Variants in NELL1 observed in about 807,000 individuals in gnomAD.
NELL1 encodes neural EGFL like 1, also known as protein kinase C-binding protein NELL1.
A neutral mutation model predicts 107.4 loss-of-function variants in NELL1; 76 were observed. That is an observed-to-expected ratio of 0.71 (90% confidence interval 0.59 to 0.86). The LOEUF is 0.86. Among genes scored for constraint, NELL1 ranks in the 40% least tolerant of loss-of-function variants. NELL1 has a pLI of 0.00. For synonymous variants in NELL1, 353 were observed against 341.2 expected (o/e 1.03, Z -0.38); for missense variants, 1,024 against 1,005.5 (o/e 1.02, Z -0.25).
intron 2 of NELL1, among the ~76,000 whole-genome samples, chr11:20,691,377 T>A (rs1412538963): frequency 1.3e-5 from 2 of 150,882 alleles, no homozygotes; most frequent in Non-Finnish European, 2.9e-5. Context: ...TCAAACAGAA[T>A]GCTTCCAGTT....
At chr11:20,969,024 G>GA (rs1851441476) in intron 12 of NELL1, among the ~76,000 whole-genome samples, 4 of 151,854 alleles carry the variant, frequency 2.6e-5, no homozygotes, top group African/African-American at 9.7e-5. Flanking sequence ...GTTATTTAAT[G>GA]AAAAAAATCT....
intron 14 of NELL1, among the ~76,000 whole-genome samples, chr11:21,368,619 A>G (rs949173964): frequency 1.3e-5 from 2 of 152,028 alleles, no homozygotes; most frequent in African/African-American, 4.8e-5. Flanking sequence ...TACCTATCAG[A>G]TACCTCCATG....
chr11:21,252,483 C>T lies in NELL1; in HGVS notation c.1549+23029C>T, dbSNP rs1334387093. Among the ~76,000 whole-genome samples, 8 of 152,204 alleles carry T rather than the reference C, an allele frequency of 5.3e-5. No homozygotes were observed. The East Asian group carries it at 1.2e-3, about 22-fold the overall frequency. ...GACCATGCGTAAGTTTCTTTCAAATCTCATGCAGCTAAAGGAAGGTATTTT... is the reference window on the plus strand; with the variant it reads ...GACCATGCGTAAGTTTCTTTCAAATTTCATGCAGCTAAAGGAAGGTATTTT... On this transcript the variant is annotated intron_variant, in intron 14 of 19. Transcript: ENST00000357134.
chr11:21,501,602 G>A (rs544384183), intron 15 of NELL1, among the ~76,000 whole-genome samples: 1 of 152,288 alleles, frequency 6.6e-6, no homozygotes, highest in East Asian at 1.9e-4. Context: ...GCAATAATAT[G>A]TGCATTATTG....
intron 12 of NELL1, among the ~76,000 whole-genome samples, chr11:21,070,226 C>T (rs185994311): frequency 2.0e-5 from 3 of 152,134 alleles, no homozygotes; most frequent in East Asian, 1.9e-4. Flanking sequence ...TCAAAGGCAG[C>T]TGGATGTACA....
At chr11:21,316,779 AC>A (rs1463922231) in intron 14 of NELL1, among the ~76,000 whole-genome samples, 2 of 152,104 alleles carry the variant, frequency 1.3e-5, no homozygotes, top group African/African-American at 4.8e-5. Context: ...GCTGCTCCTC[AC>A]TGACAGCAAA....
intron 14 of NELL1, among the ~76,000 whole-genome samples, chr11:21,277,902 G>T (rs1326514750): frequency 6.6e-6 from 1 of 152,146 alleles, no homozygotes; most frequent in Non-Finnish European, 1.5e-5. Context: ...CCTGTTGTGG[G>T]GTGAGGGAAG....
At chr11:21,493,443 A>G (rs117793327) in intron 15 of NELL1, among the ~76,000 whole-genome samples, 1,823 of 152,174 alleles carry the variant, frequency 0.012, 25 homozygotes, top group Non-Finnish European at 0.019. Context: ...AACAACATGG[A>G]TGGAACTGTA....
intron 14 of NELL1, among the ~76,000 whole-genome samples, chr11:21,327,166 T>TGC (rs1565169843): frequency 1.5e-5 from 2 of 133,560 alleles, no homozygotes; most frequent in Non-Finnish European, 3.2e-5. Context: ...TCTGATGTTT[T>TGC]TTTTTTTTTT....
intron 15 of NELL1, among the ~76,000 whole-genome samples, chr11:21,526,809 A>C (rs749703187): frequency 6.6e-6 from 1 of 152,236 alleles, no homozygotes; most frequent in Non-Finnish European, 1.5e-5. Flanking sequence ...CTGAAGCTGC[A>C]CACAGCAGAG....
rs12787167 is a variant in NELL1 at position 21,459,740 on chromosome 11, T to C, written c.1646-74634T>C. On this transcript the variant is annotated intron_variant, in intron 15 of 19. Transcript: ENST00000357134. The stretch of plus-strand genomic sequence containing the variant: ...ATTGCTTAGTAGATGAAAATGAAGA[T>C]CTTCTTCATCTAGAAAATCTCTAAA... 5.5e-3 allele frequency among the ~76,000 whole-genome samples: 836 copies of C among 152,164 alleles called. 6 individuals carry two copies. Among genetic ancestry groups the C allele is most frequent in the Middle Eastern group, 0.037 (11 of 294 alleles).
intron 7 of NELL1, among the ~76,000 whole-genome samples, chr11:20,920,209 G>A (rs1179608936): frequency 7.7e-6 from 1 of 129,130 alleles, no homozygotes; most frequent in African/African-American, 2.9e-5. Flanking sequence ...TTGGGCCTAA[G>A]AGACATTATA....
At chr11:21,216,287 A>T (rs937370254) in intron 13 of NELL1, among the ~76,000 whole-genome samples, 2 of 152,220 alleles carry the variant, frequency 1.3e-5, no homozygotes, top group African/African-American at 2.4e-5. Flanking sequence ...GCAGAGGCAG[A>T]GGCCTCATGG....
intron 13 of NELL1, among the ~76,000 whole-genome samples, chr11:21,160,833 G>T (rs1452553700): frequency 2.0e-5 from 3 of 151,994 alleles, no homozygotes; most frequent in African/African-American, 7.3e-5. Context: ...GCTACAAATG[G>T]TAAGGTCACC....
rs374710480 is a variant in NELL1, at chr11:20,820,097, G to C, written c.336-27486G>C. On this transcript the variant is annotated intron_variant, in intron 3 of 19. Coordinates refer to ENST00000357134, the MANE Select transcript of NELL1 (RefSeq NM_006157.5). ...TATGGCCCCAAATTTCTGGTTACAG[G>C]AATGTTAAGCAGCATTTTTCAGTGA... 5.9e-5 allele frequency among the ~76,000 whole-genome samples: 9 copies of C among 152,304 alleles called. No homozygotes were observed. The South Asian group carries it at 1.9e-3, about 32-fold the overall frequency.
intron 9 of NELL1, among the ~76,000 whole-genome samples, chr11:20,928,960 C>T (rs1850559152): frequency 6.6e-6 from 1 of 152,144 alleles, no homozygotes; most frequent in Admixed American, 6.5e-5. Flanking sequence ...AATACTGAAG[C>T]TGTCGTTTAG....
intron 2 of NELL1, among the ~76,000 whole-genome samples, chr11:20,707,529 G>T (rs1464425514): frequency 2.0e-5 from 3 of 152,188 alleles, no homozygotes; most frequent in Non-Finnish European, 4.4e-5. Context: ...TGATGATGGT[G>T]ATGTACAGAT....
At chr11:21,093,562 A>G (rs1854570289) in intron 12 of NELL1, among the ~76,000 whole-genome samples, 2 of 152,266 alleles carry the variant, frequency 1.3e-5, no homozygotes, top group African/African-American at 4.8e-5. Flanking sequence ...GTTTGCTTTC[A>G]TGCTGCTGAT....
intron 14 of NELL1, among the ~76,000 whole-genome samples, chr11:21,258,962 T>C (rs1411123397): frequency 6.6e-6 from 1 of 151,888 alleles, no homozygotes; most frequent in South Asian, 2.1e-4. Context: ...CCAGGAACAG[T>C]ATAGTCACAG....
Sources: gnomAD v4.1 joint callset for allele counts (sites outside exome capture counted in the v4.1 genomes callset) on GRCh38, gnomAD v4.1.1 for gene constraint, MANE v1.5 for transcripts, NCBI Gene and HGNC (gene_info 2026-07-23, HGNC 2026-07-21) for gene names.